Variants in RBMS3 observed in about 807,000 individuals in gnomAD.
The protein encoded by RBMS3 is RNA binding motif single stranded interacting protein 3.
A neutral mutation model predicts 66.8 loss-of-function variants in RBMS3; 27 were observed. The observed-to-expected ratio is 0.40, with a 90% CI of 0.30 to 0.56. The LOEUF (loss-of-function observed/expected upper bound fraction) is 0.56. Ranked by LOEUF, RBMS3 falls within the 20% of genes least tolerant of loss-of-function variation. The pLI, the probability that RBMS3 is intolerant of heterozygous loss-of-function variation, is 0.40. For missense variants in RBMS3, 513 were observed against 549.5 expected (o/e 0.93, Z 0.66); for synonymous variants, 188 against 183.0 (o/e 1.03, Z -0.22).
chr3:29,924,252 T>C (rs1272403289), intron 10 of RBMS3, among the ~76,000 whole-genome samples: 2 of 152,210 alleles, frequency 1.3e-5, no homozygotes, highest in Non-Finnish European at 2.9e-5. Flanking sequence ...CATTCCTTGC[T>C]CATTTATTAT....
At chr3:29,998,021 C>T (rs200627603) in intron 14 of RBMS3, among the ~76,000 whole-genome samples, 5,758 of 152,260 alleles carry the variant, frequency 0.038, 275 homozygotes, top group East Asian at 0.16. Context: ...TAGAAAACCC[C>T]ATCATCTCAG....
chr3:29,864,062 A>G (rs2059285182), intron 6 of RBMS3, among the ~76,000 whole-genome samples: 1 of 152,160 alleles, frequency 6.6e-6, no homozygotes, highest in Non-Finnish European at 1.5e-5. Context: ...ATGAGGAAAG[A>G]TTTTCTGGAA....
At chr3:29,402,675 C>T (rs2039861798) in intron 1 of RBMS3, among the ~76,000 whole-genome samples, 1 of 151,980 alleles carries the variant, frequency 6.6e-6, no homozygotes, top group Non-Finnish European at 1.5e-5. Context: ...TTGAAGACCT[C>T]TTCTGTGTAG....
At chr3:29,452,016 CA>C (rs2042032804) in intron 2 of RBMS3, among the ~76,000 whole-genome samples, 1 of 152,142 alleles carries the variant, frequency 6.6e-6, no homozygotes, top group African/African-American at 2.4e-5. Context: ...TGAACAAACA[CA>C]AATTAGGCCA....
intron 1 of RBMS3, among the ~76,000 whole-genome samples, chr3:29,341,835 A>G (rs888266394): frequency 6.6e-6 from 1 of 152,208 alleles, no homozygotes; most frequent in East Asian, 1.9e-4. Context: ...CAAACAAGGA[A>G]GACAAACTAA....
rs181764992 is a variant in RBMS3 at position 29,771,876 on chromosome 3, G to A, written c.637+8887G>A. Among the ~76,000 whole-genome samples the A allele has an allele frequency of 2.6e-5, 4 of 152,092 alleles. No individual in the cohort carries two copies. In the East Asian group the frequency reaches 7.8e-4, roughly 30 times the overall value. The stretch of plus-strand genomic sequence containing the variant: ...AGATCTTGTGAGAACTCATTATCAC[G>A]AGAATAGCAGGGAGGAAATCTGCCC... On this transcript the variant is annotated intron_variant, in intron 6 of 14. Transcript: ENST00000383767.
At chr3:29,952,989 A>G (rs1034048428) in intron 12 of RBMS3, among the ~76,000 whole-genome samples, 6 of 151,932 alleles carry the variant, frequency 3.9e-5, no homozygotes, top group African/African-American at 1.4e-4. Context: ...TACTAGCCAA[A>G]GAAAACCAAG....
chr3:29,880,969 C>T (rs2059723220), intron 7 of RBMS3, among the ~76,000 whole-genome samples: 2 of 152,030 alleles, frequency 1.3e-5, no homozygotes, highest in South Asian at 2.1e-4. Context: ...AACTCCTGTT[C>T]CCCAATCACT....
intron 1 of RBMS3, 49 bp downstream of exon 1, chr3:29,281,805 TTGGGA>T: frequency 6.7e-7 from 1 of 1,483,272 alleles, no homozygotes; most frequent in Non-Finnish European, 9.3e-7. Flanking sequence ...CGTTCTGCAC[TTGGGA>T]TGGGAAACAG....
chr3:29,756,111 G>T (rs983252397), intron 5 of RBMS3, among the ~76,000 whole-genome samples: 5 of 152,146 alleles, frequency 3.3e-5, no homozygotes, highest in Admixed American at 2.6e-4. Context: ...TCTGTTCCAT[G>T]GTTGCTGTGA....
At chr3:29,431,008 A>G (rs1420942751) in intron 1 of RBMS3, among the ~76,000 whole-genome samples, 2 of 152,202 alleles carry the variant, frequency 1.3e-5, no homozygotes, top group African/African-American at 4.8e-5. Context: ...CAGGACTTGT[A>G]AAAGAGGTAG....
At chr3:29,630,826 A>G (rs1382596829) in intron 4 of RBMS3, among the ~76,000 whole-genome samples, 1 of 152,012 alleles carries the variant, frequency 6.6e-6, no homozygotes, top group Non-Finnish European at 1.5e-5. Flanking sequence ...TGGTCAAACA[A>G]GTAATGATTC....
chr3:29,347,789 T>C (rs2036667441), intron 1 of RBMS3, among the ~76,000 whole-genome samples: 1 of 152,182 alleles, frequency 6.6e-6, no homozygotes, highest in African/African-American at 2.4e-5. Flanking sequence ...GGCAGCACCC[T>C]TAAGAGGGAG....
At chr3:29,505,811 T>C (rs958432643) in intron 3 of RBMS3, among the ~76,000 whole-genome samples, 3 of 151,780 alleles carry the variant, frequency 2.0e-5, no homozygotes, top group African/African-American at 7.2e-5. Context: ...TTAAATTTAA[T>C]TTTAAGTATT....
chr3:29,456,541 A>G (rs1054810465), intron 2 of RBMS3, among the ~76,000 whole-genome samples: 12 of 152,202 alleles, frequency 7.9e-5, no homozygotes, highest in Non-Finnish European at 1.8e-4. Flanking sequence ...CACTGGATAT[A>G]TTATGTACAA....
At chr3:29,755,415 G>A (rs1476696069) in intron 5 of RBMS3, among the ~76,000 whole-genome samples, 1 of 152,176 alleles carries the variant, frequency 6.6e-6, no homozygotes, top group Admixed American at 6.5e-5. Flanking sequence ...TAGCTTTATG[G>A]TGTAGGCATC....
chr3:29,534,775 C>A (rs561885040), intron 3 of RBMS3, among the ~76,000 whole-genome samples: 1 of 152,286 alleles, frequency 6.6e-6, no homozygotes, highest in East Asian at 1.9e-4. Context: ...AAGTTCAGTT[C>A]TATAGCTTTC....
chr3:29,329,437 G>C (rs184544254), intron 1 of RBMS3, among the ~76,000 whole-genome samples: 3 of 152,140 alleles, frequency 2.0e-5, no homozygotes, highest in Admixed American at 2.0e-4. Context: ...TCTATAGTTA[G>C]CGTGTATCCA....
intron 7 of RBMS3, among the ~76,000 whole-genome samples, chr3:29,876,789 C>A (rs984418968): frequency 4.0e-5 from 6 of 151,014 alleles, no homozygotes; most frequent in African/African-American, 1.5e-4. Flanking sequence ...CAGGGCAAGG[C>A]GAGTGTATGT....
Sources: gnomAD v4.1 joint callset for allele counts (sites outside exome capture counted in the v4.1 genomes callset) on GRCh38, gnomAD v4.1.1 for gene constraint, MANE v1.5 for transcripts, NCBI Gene and HGNC (gene_info 2026-07-23, HGNC 2026-07-21) for gene names.